Variants in MYO5A observed in about 807,000 individuals in gnomAD.
MYO5A encodes the protein unconventional myosin-Va.
In MYO5A, 98 loss-of-function variants were observed where a neutral mutation model predicts 249.7. That is an observed-to-expected ratio of 0.39 (90% confidence interval 0.33 to 0.46). MYO5A has a LOEUF of 0.46. Among genes scored for constraint, MYO5A ranks in the 20% least tolerant of loss-of-function variants. The probability of loss-of-function intolerance (pLI) is 0.98; values close to 1 mark genes in which losing one functional copy is unlikely to be tolerated. For missense variants in MYO5A, 1,696 were observed against 2,308.8 expected, an observed-to-expected ratio of 0.73 and a Z score of 5.44; for synonymous variants, 778 against 810.6, an observed-to-expected ratio of 0.96 and a Z score of 0.68.
In MYO5A at chr15:52,513,324, A is replaced by G. The variant is rs185670264; in HGVS notation, c.27+15456T>C. Among the ~76,000 whole-genome samples the G allele has an allele frequency of 4.0e-4, 60 of 150,824 alleles. No individual in the cohort carries two copies. In the East Asian group the frequency reaches 6.4e-3, roughly 16 times the overall value. Reference sequence around the variant, plus strand: ...CATGTGCCTATAATCCCAGCTACTCAGGAGGCTGAGGCAGGAGAATAGCCT... The same window carrying G: ...CATGTGCCTATAATCCCAGCTACTCGGGAGGCTGAGGCAGGAGAATAGCCT... On this transcript the variant is annotated intron_variant, in intron 1 of 41. Transcript: ENST00000399233.
intron 1 of MYO5A, among the ~76,000 whole-genome samples, chr15:52,437,181 T>C (rs2075682754): frequency 6.6e-6 from 1 of 152,226 alleles, no homozygotes; most frequent in Admixed American, 6.5e-5. Flanking sequence ...CTTACTCATG[T>C]AATAAATATT....
chr15:52,333,083 C>T (rs983800270), intron 34 of MYO5A, among the ~76,000 whole-genome samples: 33 of 152,210 alleles, frequency 2.2e-4, no homozygotes, highest in Non-Finnish European at 2.9e-5. Flanking sequence ...CCTGCCATCT[C>T]GGAAGCAGAA....
chr15:52,316,501 A>C (rs2038024294), intron 40 of MYO5A, among the ~76,000 whole-genome samples: 1 of 152,156 alleles, frequency 6.6e-6, no homozygotes, highest in East Asian at 1.9e-4. Flanking sequence ...AGTCAGTTGG[A>C]TACGACTCTG....
intron 1 of MYO5A, among the ~76,000 whole-genome samples, chr15:52,497,756 C>CAAAAA (rs35145185): frequency 1.1e-4 from 7 of 62,544 alleles, no homozygotes; most frequent in African/African-American, 1.8e-4. Context: ...GACTCTGTCT[C>CAAAAA]AAAAAAAAAA....
In MYO5A at chr15:52,525,403, C is replaced by A. The variant is rs148851541; in HGVS notation, c.27+3377G>T. On this transcript the variant is annotated intron_variant, in intron 1 of 41. Transcript: ENST00000399233. ...AGCTATTGTCCTTAAAATGTTTATACTGCTGGAAAAACTTACAAAATGGAA... is the reference window on the plus strand; with the variant it reads ...AGCTATTGTCCTTAAAATGTTTATAATGCTGGAAAAACTTACAAAATGGAA... Among the ~76,000 whole-genome samples, 368 of 152,286 alleles carry A rather than the reference C, an allele frequency of 2.4e-3. 1 individual carries two copies. The highest frequency in any genetic ancestry group is 4.7e-3 in the Non-Finnish European group (322 of 68,026).
rs12591753 is a variant in MYO5A at position 52,487,048 on chromosome 15, G to A, written c.27+41732C>T. Among the ~76,000 whole-genome samples the A allele has an allele frequency of 3.3e-5, 5 of 152,252 alleles. No homozygotes were observed. In the East Asian group the frequency reaches 7.7e-4, roughly 23 times the overall value. ...GTTTTACGTTGATACTAAAAATTTG[G>A]AAGCTTTCAAAGAGGAGAAATAGGT... On this transcript the variant is annotated intron_variant, in intron 1 of 41. Coordinates refer to ENST00000399233, the MANE Select transcript of MYO5A (RefSeq NM_001382347.1).
chr15:52,526,511 G>A (rs544259052), intron 1 of MYO5A, among the ~76,000 whole-genome samples: 4 of 152,144 alleles, frequency 2.6e-5, no homozygotes, highest in Admixed American at 6.5e-5. Context: ...ACAGGCATGC[G>A]CCACCACGCC....
At chr15:52,342,654 C>T (rs2140995165) in intron 31 of MYO5A, among the ~76,000 whole-genome samples, 1 of 152,236 alleles carries the variant, frequency 6.6e-6, no homozygotes, top group South Asian at 2.1e-4. Flanking sequence ...GTGGCTGACG[C>T]CTGTAATCCC....
intron 1 of MYO5A, among the ~76,000 whole-genome samples, chr15:52,524,590 T>A (rs368085762): frequency 1.6e-4 from 24 of 147,508 alleles, no homozygotes; most frequent in Admixed American, 1.3e-3. Context: ...AATAAATAAA[T>A]AAAATAGGCT....
At chr15:52,460,382 C>G (rs1462940226) in intron 1 of MYO5A, among the ~76,000 whole-genome samples, 1 of 152,226 alleles carries the variant, frequency 6.6e-6, no homozygotes, top group African/African-American at 2.4e-5. Context: ...AGCGAGACTC[C>G]GTCTACAATC....
rs1433350135 is a variant in MYO5A at position 52,418,572 on chromosome 15, AGGTAATACCAGAATTGAGAG to A, written c.456-2291_456-2272del. On this transcript the variant is annotated intron_variant, in intron 4 of 41. Coordinates refer to ENST00000399233, the MANE Select transcript of MYO5A (RefSeq NM_001382347.1). ...GATGTCAGGAAAGCCTTTCCAGAGA[AGGTAATACCAGAATTGAGAG>A]GGTAATACCAGAATTGACTCATATA... Among the ~76,000 whole-genome samples, 6 of 152,280 alleles carry A rather than the reference AGGTAATACCAGAATTGAGAG, an allele frequency of 3.9e-5. No individual in the cohort carries two copies. The East Asian group carries it at 1.2e-3, about 29-fold the overall frequency.
chr15:52,433,912 A>G (rs1836877716), intron 1 of MYO5A, among the ~76,000 whole-genome samples: 1 of 151,236 alleles, frequency 6.6e-6, no homozygotes, highest in Admixed American at 6.6e-5. Context: ...TTTTGAAGCT[A>G]TGGTGTTGTG....
At chr15:52,428,294 A>G in intron 3 of MYO5A, 104 bp downstream of exon 3, 1 of 1,234,570 alleles carries the variant, frequency 8.1e-7, no homozygotes, top group Non-Finnish European at 1.2e-6. Flanking sequence ...TGTCTCTTAG[A>G]GAAAATCCAA....
At chr15:52,410,088 C>T (rs568751253) in intron 6 of MYO5A, among the ~76,000 whole-genome samples, 64 of 152,238 alleles carry the variant, frequency 4.2e-4, no homozygotes, top group African/African-American at 1.5e-3. Context: ...TAAGCTTTCC[C>T]GCAAGCACCT....
intron 1 of MYO5A, among the ~76,000 whole-genome samples, chr15:52,444,509 GCCC>G (rs1387167618): frequency 1.3e-5 from 2 of 152,088 alleles, no homozygotes; most frequent in Non-Finnish European, 2.9e-5. Context: ...TAGATAACTT[GCCC>G]CAAAGTCACT....
chr15:52,514,191 T>A (rs2077452336), intron 1 of MYO5A, among the ~76,000 whole-genome samples: 2 of 152,270 alleles, frequency 1.3e-5, no homozygotes, highest in Non-Finnish European at 2.9e-5. Context: ...ACTTGGTACC[T>A]ACTACATAGC....
chr15:52,335,299 C>T (rs914201655), intron 34 of MYO5A, among the ~76,000 whole-genome samples: 3 of 152,054 alleles, frequency 2.0e-5, no homozygotes, highest in African/African-American at 7.2e-5. Context: ...AGATGGATCA[C>T]GAGCTCAGGA....
intron 4 of MYO5A, among the ~76,000 whole-genome samples, chr15:52,423,769 C>A (rs2075336412): frequency 6.6e-6 from 1 of 151,990 alleles, no homozygotes; most frequent in African/African-American, 2.4e-5. Context: ...GACAAAACAA[C>A]CCTTCAGTTA....
intron 1 of MYO5A, among the ~76,000 whole-genome samples, chr15:52,462,460 A>C (rs1212801420): frequency 1.3e-5 from 2 of 152,176 alleles, no homozygotes; most frequent in Non-Finnish European, 2.9e-5. Flanking sequence ...AGAACACAGA[A>C]GTGGCATTAG....
Sources: gnomAD v4.1 joint callset for allele counts (sites outside exome capture counted in the v4.1 genomes callset) on GRCh38, gnomAD v4.1.1 for gene constraint, MANE v1.5 for transcripts, NCBI Gene and HGNC (gene_info 2026-07-23, HGNC 2026-07-21) for gene names.